The following UBE2B variants were observed in gnomAD, a reference collection of about 807,000 sequenced individuals.
The protein encoded by UBE2B is ubiquitin conjugating enzyme E2 B, also known as ubiquitin-conjugating enzyme E2 B.
In UBE2B, 11 loss-of-function variants were observed where a neutral mutation model predicts 24.6. The ratio of observed to expected loss-of-function variants is 0.45; its 90% confidence interval spans 0.28 to 0.74. The LOEUF is 0.74. Ranked by LOEUF, UBE2B falls within the 30% of genes least tolerant of loss-of-function variation. UBE2B has a pLI of 0.13. For synonymous variants in UBE2B, 68 were observed against 62.4 expected (o/e 1.09, Z -0.42); for missense variants, 78 against 185.6 (o/e 0.42, Z 3.37).
chr5:134,380,680 G>T (rs368164319), intron 3 of UBE2B, 39 bp from the exon 4 acceptor site: 2 of 1,198,388 alleles, frequency 1.7e-6, no homozygotes, highest in East Asian at 2.4e-5. Flanking sequence ...TTAAAAAGTC[G>T]TGCTTGTCTT....
chr5:134,383,996 C>A (rs1758756860), intron 4 of UBE2B, among the ~76,000 whole-genome samples: 1 of 152,088 alleles, frequency 6.6e-6, no homozygotes, highest in Non-Finnish European at 1.5e-5. Flanking sequence ...ATGGCTAATT[C>A]CTTTGTAATA....
chr5:134,379,643 C>CAAA lies in UBE2B; in HGVS notation c.152-1074_152-1073insAAA, dbSNP rs374868073. ...CCTGGGCAACAGTGAGACTCTGTCT[C>CAAA]AACAAAAAAAAAAAAAAAAAAGGAA... On this transcript the variant is annotated intron_variant, in intron 3 of 5. Coordinates refer to ENST00000265339, the MANE Select transcript of UBE2B (RefSeq NM_003337.4). Among the ~76,000 whole-genome samples, 663 of 92,168 alleles carry CAAA rather than the reference C, an allele frequency of 7.2e-3. 12 individuals carry two copies. Among genetic ancestry groups the CAAA allele is most frequent in the African/African-American group, 0.025 (625 of 25,336 alleles). The allele number at this position is 92,168 out of a possible 152,430, so 60.5% of individuals were successfully genotyped here.
intron 4 of UBE2B, among the ~76,000 whole-genome samples, chr5:134,383,813 G>T (rs1032036252): frequency 6.6e-6 from 1 of 151,860 alleles, no homozygotes; most frequent in Non-Finnish European, 1.5e-5. Context: ...TTTTTTGTTT[G>T]TTTTTTTAAT....
intron 4 of UBE2B, among the ~76,000 whole-genome samples, chr5:134,381,234 G>A (rs188828475): frequency 1.3e-5 from 2 of 151,852 alleles, no homozygotes; most frequent in South Asian, 2.1e-4. Flanking sequence ...CCAAAGTGCT[G>A]GGTTTGTTGT....
rs1379566535 is a variant in UBE2B, at chr5:134,381,036, G to A, written c.241+228G>A. On this transcript the variant is annotated intron_variant, in intron 4 of 5. Coordinates refer to ENST00000265339, the MANE Select transcript of UBE2B (RefSeq NM_003337.4). ...GGCTGGAGTGCAGTGGCGCGATCTC[G>A]GCTCACTGCAAGCTCCGCCTCCCGG... Among the ~76,000 whole-genome samples, 5 of 134,872 alleles carry A rather than the reference G, an allele frequency of 3.7e-5. No homozygotes were observed. In the South Asian group the frequency reaches 1.2e-3, roughly 33 times the overall value. The allele number at this position is 134,872 out of a possible 152,430, so 88.5% of individuals were successfully genotyped here.
rs1032140254 is a variant in UBE2B, at chr5:134,391,782, A to T, written c.*1429A>T. 6.6e-6 allele frequency: 1 copy of T among 152,170 alleles called. No homozygotes were observed. The allele number at this position is 152,170 out of a possible 1,614,324, so 9.4% of individuals were successfully genotyped here. A position where few individuals can be genotyped will look rare whatever the true frequency, so the allele number is the denominator to read the frequency against. On this transcript the variant is annotated 3_prime_UTR_variant, in exon 6 of 6. Coordinates refer to ENST00000265339, the MANE Select transcript of UBE2B (RefSeq NM_003337.4). ...CTTTGAGACCAGCCAGGGCAACATA[A>T]TAAGACTTTTCTCTACTTTAAATTT... is the stretch of plus-strand genomic sequence containing the variant.
At chr5:134,382,289 T>G (rs1561681526) in intron 4 of UBE2B, among the ~76,000 whole-genome samples, 3 of 148,250 alleles carry the variant, frequency 2.0e-5, no homozygotes, top group African/African-American at 7.4e-5. Flanking sequence ...CCCATCCCTA[T>G]AAAAAACAAA....
intron 3 of UBE2B, 21 bp downstream of exon 3, chr5:134,376,715 T>C (rs1758616018): frequency 6.2e-7 from 1 of 1,606,298 alleles, no homozygotes; most frequent in Non-Finnish European, 8.5e-7. Context: ...CTCATTATGT[T>C]TTCTATAGTG....
At chr5:134,376,748 A>G in intron 3 of UBE2B, 54 bp downstream of exon 3, 1 of 1,531,924 alleles carries the variant, frequency 6.5e-7, no homozygotes, top group Admixed American at 1.8e-5. Context: ...TTTTTAGTAG[A>G]AAATTGTAAC....
chr5:134,371,867 C>A (rs1231142985), intron 1 of UBE2B, among the ~76,000 whole-genome samples: 2 of 152,208 alleles, frequency 1.3e-5, no homozygotes, highest in Non-Finnish European at 2.9e-5. Context: ...AAAAGTAAAA[C>A]GGTGTCGATC....
intron 3 of UBE2B, among the ~76,000 whole-genome samples, chr5:134,377,364 TGACTGCAGCAGTTTGTAAG>T (rs1758626349): frequency 6.6e-6 from 1 of 152,206 alleles, no homozygotes; most frequent in African/African-American, 2.4e-5. Flanking sequence ...CCGAGAATAC[TGACTGCAGCAGTTTGTAAG>T]GACGTAACCT....
In UBE2B at chr5:134,388,420, G is replaced by A. The variant is rs746866808; in HGVS notation, c.330+7G>A. 4.3e-6 allele frequency: 7 copies of A among 1,611,540 alleles called. No individual in the cohort carries two copies. Among genetic ancestry groups the A allele is most frequent in the East Asian group, 4.5e-5 (2 of 44,872 alleles). ...TATCTTAACATCAATTCAGGTAAGTGTGTGTTAGGATGTATTATAATTTGT... is the reference window on the plus strand; with the variant it reads ...TATCTTAACATCAATTCAGGTAAGTATGTGTTAGGATGTATTATAATTTGT... On this transcript the variant is annotated splice_region_variant and intron_variant, in intron 5 of 5. Transcript: ENST00000265339.
chr5:134,379,734 T>G (rs1435408068), intron 3 of UBE2B, among the ~76,000 whole-genome samples: 1 of 152,058 alleles, frequency 6.6e-6, no homozygotes, highest in Admixed American at 6.6e-5. Context: ...CTTCATGTAC[T>G]TAAACTAAAC....
chr5:134,384,665 A>G (rs1758767294), intron 4 of UBE2B, among the ~76,000 whole-genome samples: 1 of 152,140 alleles, frequency 6.6e-6, no homozygotes, highest in African/African-American at 2.4e-5. Context: ...CTTTTTTATA[A>G]TTTAACTTTC....
At chr5:134,379,643 CAACAAA>C (rs1758671415) in intron 3 of UBE2B, among the ~76,000 whole-genome samples, 1 of 92,248 alleles carries the variant, frequency 1.1e-5, no homozygotes, top group African/African-American at 3.9e-5. Context: ...GACTCTGTCT[CAACAAA>C]AAAAAAAAAA....
At chr5:134,388,068 T>C (rs1311949366) in intron 4 of UBE2B, 1 of 460,982 alleles carries the variant, frequency 2.2e-6, no homozygotes, top group South Asian at 2.3e-5. Context: ...CCTCCCAAAG[T>C]GTTCAGGACT....
Position 134,376,678 on chromosome 5 carries a change from G to A in UBE2B, c.135G>A (p.Gly45=), listed in dbSNP as rs1758615598. The change falls in exon 3 of 6, where the codon GGG becomes GGA. Residue 45 remains glycine, a synonymous_variant. Transcript: ENST00000265339. ...ATCTTCTTGTTTTCAGACCAGAAGG[G>A]ACACCTTTTGAAGATGGTAAGTCAT... ...QWNAVIFGPE[G]TPFEDGTFKL... 6.2e-7 allele frequency: 1 copy of A among 1,611,308 alleles called. No homozygotes were observed. The highest frequency in any genetic ancestry group is 1.1e-5 in the South Asian group (1 of 90,890).
rs1364758960 is a variant in UBE2B at position 134,391,272 on chromosome 5, G to A, written c.*919G>A. On this transcript the variant is annotated 3_prime_UTR_variant, in exon 6 of 6. Coordinates refer to ENST00000265339, the MANE Select transcript of UBE2B (RefSeq NM_003337.4). ...GCACATATTGGAGGGAAATCTTGGT[G>A]TAACTTAAATATTTGAAAATTACCT... is the stretch of plus-strand genomic sequence containing the variant. The A allele has an allele frequency of 2.0e-5, 3 of 152,318 alleles. No homozygotes were observed. Among genetic ancestry groups the A allele is most frequent in the African/African-American group, 7.2e-5 (3 of 41,448 alleles). 9.4% of individuals were successfully genotyped at this position (152,318 alleles called of 1,614,324 possible).
At position 134,381,188 on chromosome 5, in the gene UBE2B, G is replaced by A. The variant is rs531209566; in HGVS notation, c.241+380G>A. Among the ~76,000 whole-genome samples, 75 of 151,750 alleles carry A rather than the reference G, an allele frequency of 4.9e-4. 1 individual carries two copies. Among genetic ancestry groups the A allele is most frequent in the Non-Finnish European group, 9.7e-4 (66 of 67,916 alleles). ...TCACCATGTTAGCCAGGATGGTCTC[G>A]ATCTCCTGACCTTGTGATCTGCCCA... On this transcript the variant is annotated intron_variant, in intron 4 of 5. Coordinates refer to ENST00000265339, the MANE Select transcript of UBE2B (RefSeq NM_003337.4).
Sources: allele counts gnomAD v4.1 joint callset (sites outside exome capture counted in the v4.1 genomes callset), GRCh38; gene constraint gnomAD v4.1.1; transcripts MANE v1.5; gene names NCBI Gene and HGNC (gene_info 2026-07-23, HGNC 2026-07-21).